Variants in BLOC1S5 observed in about 807,000 individuals in gnomAD.
BLOC1S5 encodes the protein biogenesis of lysosomal organelles complex 1 subunit 5, also known as biogenesis of lysosome-related organelles complex 1 subunit 5.
BLOC1S5 carries 27 observed loss-of-function variants against 24.3 expected under a neutral mutation model. The ratio of observed to expected loss-of-function variants is 1.11; its 90% CI spans 0.82 to 1.53. The LOEUF (loss-of-function observed/expected upper bound fraction) is 1.53. Among genes scored for constraint, BLOC1S5 ranks in the 40% most tolerant of loss-of-function variants. The pLI is 0.00. For synonymous variants in BLOC1S5, 84 were observed against 74.5 expected, an observed-to-expected ratio of 1.13 and a Z score of -0.66; for missense variants, 239 against 229.4, an observed-to-expected ratio of 1.04 and a Z score of -0.27.
chr6:8,015,805 A>G lies in BLOC1S5; in HGVS notation c.408T>C (p.Ala136=), dbSNP rs763732733. 3 of 1,613,102 alleles carry G rather than the reference A, an allele frequency of 1.9e-6. No homozygotes were observed. The highest frequency in any genetic ancestry group is 2.5e-6 in the Non-Finnish European group (3 of 1,179,796). Residue 136 remains alanine, a synonymous_variant, in exon 5 of 5, where the codon GCT becomes GCC. Transcript: ENST00000397457. ...RKKIHSDHLV[A]SEKQHMLQWD... ...ACTGGAGCATATGCTGTTTCTCACT[A>G]GCTACTAAGTGGTCACTATGAATCT...
chr6:8,059,388 A>G (rs931111948), intron 2 of BLOC1S5, among the ~76,000 whole-genome samples: 1 of 152,248 alleles, frequency 6.6e-6, no homozygotes, highest in Non-Finnish European at 1.5e-5. Flanking sequence ...ATAAAGAAAA[A>G]GGTAATTGTT....
intron 2 of BLOC1S5, among the ~76,000 whole-genome samples, chr6:8,046,038 C>T (rs1268288361): frequency 2.0e-5 from 3 of 152,142 alleles, no homozygotes; most frequent in East Asian, 3.9e-4. Context: ...TGGCTCTGTC[C>T]CCACCCAAAT....
At chr6:8,018,012 A>G (rs188162786) in intron 4 of BLOC1S5, 1 of 152,256 alleles carries the variant, frequency 6.6e-6, no homozygotes, top group Non-Finnish European at 1.5e-5. Context: ...CTTCTTTCCA[A>G]TTGAAAATTC....
At chr6:8,059,558 T>C (rs1400382052) in intron 2 of BLOC1S5, among the ~76,000 whole-genome samples, 1 of 152,202 alleles carries the variant, frequency 6.6e-6, no homozygotes, top group Non-Finnish European at 1.5e-5. Context: ...AAAGACCACA[T>C]TTATTAATTA....
At chr6:8,024,450 A>G (rs2748355) in intron 4 of BLOC1S5, among the ~76,000 whole-genome samples, 126,697 of 148,096 alleles carry the variant, frequency 0.86, 54,576 homozygotes, top group East Asian at 1. Context: ...CCTGGGAGGC[A>G]GCGATTGCAG....
At chr6:8,062,345 T>C (rs1289246128) in intron 2 of BLOC1S5, among the ~76,000 whole-genome samples, 189 bp downstream of exon 2, 1 of 152,208 alleles carries the variant, frequency 6.6e-6, no homozygotes, top group Non-Finnish European at 1.5e-5. Flanking sequence ...AGAACTTATG[T>C]ATCCTGCTGT....
intron 2 of BLOC1S5, among the ~76,000 whole-genome samples, chr6:8,055,670 T>C (rs1764281256): frequency 6.6e-6 from 1 of 152,194 alleles, no homozygotes; most frequent in South Asian, 2.1e-4. Flanking sequence ...TCACAAAGTA[T>C]TCAGTTTCCT....
chr6:8,043,807 A>G (rs1484602798), intron 2 of BLOC1S5, among the ~76,000 whole-genome samples: 1 of 152,204 alleles, frequency 6.6e-6, no homozygotes, highest in Non-Finnish European at 1.5e-5. Context: ...CCCAAGTCTC[A>G]ACTTGAATTG....
At chr6:8,047,380 G>A (rs1198827237) in intron 2 of BLOC1S5, among the ~76,000 whole-genome samples, 1 of 151,894 alleles carries the variant, frequency 6.6e-6, no homozygotes, top group African/African-American at 2.4e-5. Flanking sequence ...GCTAATTTTT[G>A]TATTTTTTAT....
chr6:8,033,885 T>C (rs1432209991), intron 3 of BLOC1S5, among the ~76,000 whole-genome samples: 1 of 152,174 alleles, frequency 6.6e-6, no homozygotes, highest in Non-Finnish European at 1.5e-5. Flanking sequence ...AAAATGCTCA[T>C]CGTCACTGGT....
intron 2 of BLOC1S5, 44 bp from the exon 3 acceptor site, chr6:8,041,312 CTTTTTTTTT>C (rs55949249): frequency 2.9e-5 from 31 of 1,081,688 alleles, no homozygotes; most frequent in South Asian, 2.7e-4. Flanking sequence ...GTGTCTTTTC[CTTTTTTTTT>C]TTTTTTTTTG....
At chr6:8,053,480 G>C (rs1204274380) in intron 2 of BLOC1S5, among the ~76,000 whole-genome samples, 1 of 152,198 alleles carries the variant, frequency 6.6e-6, no homozygotes, top group Non-Finnish European at 1.5e-5. Flanking sequence ...ACTTGCTGAA[G>C]GCTGAGATTA....
chr6:8,015,761 TC>T lies in BLOC1S5; in HGVS notation c.451del (p.Glu151SerfsTer31). 6.2e-7 allele frequency: 1 copy of T among 1,614,192 alleles called. No homozygotes were observed. The highest frequency in any genetic ancestry group is 8.5e-7 in the Non-Finnish European group (1 of 1,180,010). Reference protein sequence around the residue: ...HMLQWDNFMKEQPNKRAEVDE... With the variant: ...HMLQWDNFMKXQPNKRAEVDE... ...CACTTCAGCCCTTTTGTTGGGTTGC[TC>T]CTTCATGAAGTTGTCCCACTGGAGC... On this transcript the variant is annotated frameshift_variant, in exon 5 of 5. Transcript: ENST00000397457. LOFTEE classifies it high-confidence loss of function.
chr6:8,038,630 A>G (rs7752825), intron 3 of BLOC1S5, among the ~76,000 whole-genome samples: 5,943 of 152,094 alleles, frequency 0.039, 368 homozygotes, highest in African/African-American at 0.13. Flanking sequence ...GACTACAGGC[A>G]CCCGCCACCA....
At chr6:8,064,041 C>T (rs1389774699) in intron 1 of BLOC1S5, among the ~76,000 whole-genome samples, 1 of 152,126 alleles carries the variant, frequency 6.6e-6, no homozygotes, top group African/African-American at 2.4e-5. Flanking sequence ...ATGGCTCAGG[C>T]TGCGACAGAG....
chr6:8,017,933 AGAG>A (rs1762798777), intron 4 of BLOC1S5: 1 of 152,236 alleles, frequency 6.6e-6, no homozygotes, highest in African/African-American at 2.4e-5. Flanking sequence ...CGGTCTTCTG[AGAG>A]TCTTTTTGCT....
rs542765347 is a variant in BLOC1S5, at chr6:8,059,425, T to C, written c.195+3109A>G. Among the ~76,000 whole-genome samples the C allele has an allele frequency of 2.6e-5, 4 of 152,358 alleles. No homozygotes were observed. The East Asian group carries it at 7.7e-4, about 29-fold the overall frequency. Reference sequence around the variant, plus strand: ...CCATATACCTTAAGTTTTTTAAACATATAAACAACTTTAGTTTTAAGTGCT... The same window carrying C: ...CCATATACCTTAAGTTTTTTAAACACATAAACAACTTTAGTTTTAAGTGCT... On this transcript the variant is annotated intron_variant, in intron 2 of 4. Coordinates refer to ENST00000397457, the MANE Select transcript of BLOC1S5 (RefSeq NM_201280.3).
At position 8,055,633 on chromosome 6, in the gene BLOC1S5, T is replaced by G. The variant is rs141516282; in HGVS notation, c.195+6901A>C. On this transcript the variant is annotated intron_variant, in intron 2 of 4. Transcript: ENST00000397457. ...GTGGTGAGAATAGCCTTTTTAACTT[T>G]AGAGTTGTATAACTCCCTTTTTCGT... Among the ~76,000 whole-genome samples the G allele has an allele frequency of 2.4e-3, 365 of 152,346 alleles. 3 individuals carry two copies. Among genetic ancestry groups the G allele is most frequent in the African/African-American group, 7.2e-3 (301 of 41,572 alleles).
At chr6:8,056,053 C>G (rs1764292557) in intron 2 of BLOC1S5, among the ~76,000 whole-genome samples, 1 of 152,178 alleles carries the variant, frequency 6.6e-6, no homozygotes. Context: ...TTCTCTTTCT[C>G]TCTTAACTTT....
Sources: gnomAD v4.1 joint callset for allele counts (sites outside exome capture counted in the v4.1 genomes callset) on GRCh38, gnomAD v4.1.1 for gene constraint, MANE v1.5 for transcripts, NCBI Gene and HGNC (gene_info 2026-07-23, HGNC 2026-07-21) for gene names.